PDE3B: variants seen among roughly 807,000 people sequenced by gnomAD.
PDE3B encodes the protein phosphodiesterase 3B.
Under a neutral mutation model 116.8 loss-of-function variants are expected in PDE3B, and 66 were observed. That is an observed-to-expected ratio of 0.56 (90% CI 0.46 to 0.69). The LOEUF (loss-of-function observed/expected upper bound fraction) is 0.69, where lower values mean the gene tolerates loss of function less well. PDE3B is among the 30% of genes least tolerant of loss of function. The probability of loss-of-function intolerance (pLI) is 0.00; values close to 1 mark genes in which losing one functional copy is unlikely to be tolerated. For missense variants in PDE3B, 1,384 were observed against 1,368.1 expected (o/e 1.01, Z -0.18); for synonymous variants, 595 against 533.6 (o/e 1.12, Z -1.59).
At chr11:14,760,028 A>G (rs1413660464) in intron 1 of PDE3B, among the ~76,000 whole-genome samples, 1 of 152,186 alleles carries the variant, frequency 6.6e-6, no homozygotes, top group African/African-American at 2.4e-5. Flanking sequence ...TTCTCAACCT[A>G]AAAATAAATT....
At chr11:14,677,830 G>C (rs1854579471) in intron 1 of PDE3B, among the ~76,000 whole-genome samples, 1 of 152,236 alleles carries the variant, frequency 6.6e-6, no homozygotes, top group East Asian at 1.9e-4. Context: ...TTAGCATAAT[G>C]CCTTTGAGAT....
chr11:14,782,398 G>C (rs1189267501), intron 2 of PDE3B, among the ~76,000 whole-genome samples: 1 of 151,996 alleles, frequency 6.6e-6, no homozygotes, highest in Non-Finnish European at 1.5e-5. Flanking sequence ...CATGGTACTG[G>C]TACCAAAACA....
the PDE3B span, among the ~76,000 whole-genome samples, chr11:14,883,088 C>T: frequency 6.6e-6 from 1 of 152,118 alleles, no homozygotes; most frequent in Non-Finnish European, 1.5e-5. Flanking sequence ...GAATCAATAT[C>T]ATGAAAATGG....
At chr11:14,725,163 G>A (rs1208500910) in intron 1 of PDE3B, among the ~76,000 whole-genome samples, 1 of 152,102 alleles carries the variant, frequency 6.6e-6, no homozygotes, top group Non-Finnish European at 1.5e-5. Context: ...CCAAATCCAA[G>A]TGATTAATAG....
At chr11:14,879,241 A>T in the PDE3B span, 5 of 1,613,324 alleles carry the variant, frequency 3.1e-6, 1 homozygote, top group Admixed American at 8.4e-5. Flanking sequence ...AAAGATTTGT[A>T]ATTACTGTTG....
intron 1 of PDE3B, among the ~76,000 whole-genome samples, chr11:14,694,640 T>C (rs1855149957): frequency 6.6e-6 from 1 of 152,188 alleles, no homozygotes; most frequent in Admixed American, 6.6e-5. Flanking sequence ...ATACTTACAG[T>C]ATAGTGTAAA....
chr11:14,842,306 G>A (rs1370494760), intron 11 of PDE3B, among the ~76,000 whole-genome samples: 2 of 151,966 alleles, frequency 1.3e-5, no homozygotes. Context: ...TTTTTGTACT[G>A]TTATTTTTTT....
intron 1 of PDE3B, among the ~76,000 whole-genome samples, chr11:14,767,444 C>T (rs1857526864): frequency 6.6e-6 from 1 of 151,482 alleles, no homozygotes; most frequent in Non-Finnish European, 1.5e-5. Context: ...TTAGGTTCAA[C>T]ATTTATTCCG....
In PDE3B at chr11:14,667,433, A is replaced by G. The variant is rs1175345950; in HGVS notation, c.978+22380A>G. ...CATGTACCCTAAAACTTAAAGTATA[A>G]TAATAATAATAAAATTAAATTAAAT... On this transcript the variant is annotated intron_variant, in intron 1 of 15. Transcript: ENST00000282096. Among the ~76,000 whole-genome samples, 13 of 151,252 alleles carry G rather than the reference A, an allele frequency of 8.6e-5. No homozygotes were observed. The South Asian group carries it at 2.5e-3, about 29-fold the overall frequency.
chr11:14,721,278 G>T lies in PDE3B; in HGVS notation c.979-50659G>T, dbSNP rs1445062088. On this transcript the variant is annotated intron_variant, in intron 1 of 15. Coordinates refer to ENST00000282096, the MANE Select transcript of PDE3B (RefSeq NM_000922.4). ...TCATTAAAAAGTCAGGAAACAGCAG[G>T]TGCTGGAGAGGATGTGGAGAAATAG... 2.6e-5 allele frequency among the ~76,000 whole-genome samples: 4 copies of T among 152,220 alleles called. No individual in the cohort carries two copies. The East Asian group carries it at 7.7e-4, about 29-fold the overall frequency.
At chr11:14,741,075 C>G (rs1016652055) in intron 1 of PDE3B, among the ~76,000 whole-genome samples, 13 of 151,952 alleles carry the variant, frequency 8.6e-5, no homozygotes, top group African/African-American at 3.1e-4. Context: ...AATGTATATT[C>G]CGTTGATTTG....
intron 1 of PDE3B, among the ~76,000 whole-genome samples, chr11:14,672,840 A>T (rs1351320634): frequency 6.6e-6 from 1 of 151,952 alleles, no homozygotes; most frequent in East Asian, 1.9e-4. Context: ...ACTGGTACTT[A>T]GTCATATGGT....
chr11:14,788,641 C>T (rs1377611046), intron 3 of PDE3B, among the ~76,000 whole-genome samples: 3 of 151,834 alleles, frequency 2.0e-5, no homozygotes, highest in Admixed American at 1.3e-4. Context: ...GTATTTAACT[C>T]AGTCATTTAT....
In PDE3B at chr11:14,830,826, CAG is replaced by C; in HGVS notation, c.1939_1940del (p.Ser647Ter). On this transcript the variant is annotated frameshift_variant, in exon 8 of 16. Transcript: ENST00000282096. LOFTEE classifies it high-confidence loss of function. The part of the protein sequence containing the change: ...EGDKWLTEEA[Q>X]SEQQTNIEQE... ...TGATAAGTGGCTAACAGAAGAGGCACAGAGTGAACAGCAAACAAATGTAAAAG... is the reference window on the plus strand; with the variant it reads ...TGATAAGTGGCTAACAGAAGAGGCACAGTGAACAGCAAACAAATGTAAAAG... The C allele has an allele frequency of 6.7e-7, 1 of 1,502,960 alleles. No individual in the cohort carries two copies. The highest frequency in any genetic ancestry group is 1.4e-5 in the South Asian group (1 of 71,276). 93.1% of individuals were successfully genotyped at this position (1,502,960 alleles called of 1,614,324 possible). A position where few individuals can be genotyped will look rare whatever the true frequency, so the allele number is the denominator to read the frequency against.
At chr11:14,661,899 C>CA (rs1226545723) in intron 1 of PDE3B, among the ~76,000 whole-genome samples, 6 of 152,136 alleles carry the variant, frequency 3.9e-5, no homozygotes, top group Admixed American at 2.0e-4. Context: ...AACAAAAAGA[C>CA]GCAGTAACCT....
intron 5 of PDE3B, among the ~76,000 whole-genome samples, chr11:14,811,533 G>C (rs1859129950): frequency 6.6e-6 from 1 of 152,140 alleles, no homozygotes; most frequent in Non-Finnish European, 1.5e-5. Flanking sequence ...ATGCTGTTTT[G>C]GTTACTGTAG....
At chr11:14,696,316 A>C (rs1855206706) in intron 1 of PDE3B, among the ~76,000 whole-genome samples, 1 of 151,974 alleles carries the variant, frequency 6.6e-6, no homozygotes, top group East Asian at 1.9e-4. Context: ...TTTTTTTGAG[A>C]AGTGTCTGTT....
At chr11:14,868,448 GA>G in intron 15 of PDE3B, among the ~76,000 whole-genome samples, 1 of 152,198 alleles carries the variant, frequency 6.6e-6, no homozygotes, top group Middle Eastern at 3.4e-3. Flanking sequence ...GGGGAGGGGG[GA>G]AGGAAAACAT....
Position 14,832,700 on chromosome 11 carries a change from CTTTAT to C in PDE3B, c.2095-17_2095-13del, listed in dbSNP as rs769892827. On this transcript the variant is annotated splice_polypyrimidine_tract_variant and intron_variant, in intron 9 of 15. Coordinates refer to ENST00000282096, the MANE Select transcript of PDE3B (RefSeq NM_000922.4). ...TAGAAATTCTGATTTTTAAAGTAAA[CTTTAT>C]TTTAATTGACATTTAGGTTATGTAT... The C allele has an allele frequency of 4.2e-5, 38 of 896,004 alleles. No individual in the cohort carries two copies. The highest frequency in any genetic ancestry group is 6.1e-5 in the Non-Finnish European group (35 of 578,486). 55.5% of individuals were successfully genotyped at this position (896,004 alleles called of 1,614,324 possible).
Sources: gnomAD v4.1 joint callset for allele counts (sites outside exome capture counted in the v4.1 genomes callset) on GRCh38, gnomAD v4.1.1 for gene constraint, MANE v1.5 for transcripts, NCBI Gene and HGNC (gene_info 2026-07-23, HGNC 2026-07-21) for gene names.